The following ROR1 variants were observed in gnomAD, a reference collection of about 807,000 sequenced individuals.
The protein encoded by ROR1 is ROR family WNT receptor 1.
Under a neutral mutation model 78.8 loss-of-function variants are expected in ROR1, and 19 were observed. The observed-to-expected ratio is 0.24, with a 90% confidence interval of 0.17 to 0.35. The LOEUF is 0.35. Ranked by LOEUF, ROR1 falls within the 10% of genes least tolerant of loss-of-function variation. The pLI is 1.00. For synonymous variants in ROR1, 386 were observed against 433.6 expected, an observed-to-expected ratio of 0.89 and a Z score of 1.36; for missense variants, 917 against 1,177.8, an observed-to-expected ratio of 0.78 and a Z score of 3.24.
At chr1:64,032,924 A>G (rs923454870) in intron 2 of ROR1, among the ~76,000 whole-genome samples, 9 of 152,188 alleles carry the variant, frequency 5.9e-5, no homozygotes, top group African/African-American at 2.2e-4. Flanking sequence ...AGTGAAATTG[A>G]TAGACAGAAA....
At chr1:63,853,288 A>G (rs1645125750) in intron 1 of ROR1, among the ~76,000 whole-genome samples, 1 of 152,130 alleles carries the variant, frequency 6.6e-6, no homozygotes, top group South Asian at 2.1e-4. Context: ...CACACTACAT[A>G]TACCCTAGTA....
At chr1:64,031,277 G>A (rs1569581252) in intron 2 of ROR1, among the ~76,000 whole-genome samples, 2 of 152,166 alleles carry the variant, frequency 1.3e-5, no homozygotes, top group Non-Finnish European at 2.9e-5. Context: ...TCAACCAAAG[G>A]CTACACTGTC....
chr1:64,014,773 T>TATATATATATATAC (rs71056017), intron 2 of ROR1, among the ~76,000 whole-genome samples: 1 of 47,010 alleles, frequency 2.1e-5, no homozygotes, highest in Non-Finnish European at 4.6e-5. Context: ...TATATATATA[T>TATATATATATATAC]ACACATTTTG....
At chr1:64,087,717 C>T (rs1310098566) in intron 4 of ROR1, among the ~76,000 whole-genome samples, 1 of 152,060 alleles carries the variant, frequency 6.6e-6, no homozygotes, top group Admixed American at 6.6e-5. Flanking sequence ...GGAGGGGAGC[C>T]CTGCAGCATG....
chr1:63,919,255 G>T (rs1645634369), intron 1 of ROR1, among the ~76,000 whole-genome samples: 1 of 152,078 alleles, frequency 6.6e-6, no homozygotes, highest in African/African-American at 2.4e-5. Context: ...AAAACTAATA[G>T]GAGCTTAGGC....
chr1:63,812,005 G>A (rs1260153181), intron 1 of ROR1, among the ~76,000 whole-genome samples: 4 of 141,356 alleles, frequency 2.8e-5, no homozygotes, highest in African/African-American at 8.6e-5. Context: ...CTGTCTCCCA[G>A]GCTGCAGTGC....
chr1:63,883,891 C>T (rs766761527), intron 1 of ROR1, among the ~76,000 whole-genome samples: 24 of 152,120 alleles, frequency 1.6e-4, no homozygotes, highest in Non-Finnish European at 4.4e-5. Context: ...TGCTCAGAGG[C>T]GAGGAGGTGA....
chr1:63,842,914 C>T (rs140034485), intron 1 of ROR1, among the ~76,000 whole-genome samples: 1 of 152,116 alleles, frequency 6.6e-6, no homozygotes, highest in African/African-American at 2.4e-5. Context: ...ATAGGCCCCT[C>T]TCCACAACTG....
chr1:63,917,767 G>A (rs1645620327), intron 1 of ROR1, among the ~76,000 whole-genome samples: 1 of 152,182 alleles, frequency 6.6e-6, no homozygotes, highest in Admixed American at 6.5e-5. Context: ...TGGTAGAGGG[G>A]AAAGTATTGG....
At chr1:63,826,682 A>G (rs958701165) in intron 1 of ROR1, among the ~76,000 whole-genome samples, 2 of 151,668 alleles carry the variant, frequency 1.3e-5, no homozygotes, top group Admixed American at 6.6e-5. Flanking sequence ...GTGATTCACA[A>G]TGGTTGAACT....
chr1:64,013,832 G>T (rs1266866435), intron 2 of ROR1, among the ~76,000 whole-genome samples: 5 of 152,246 alleles, frequency 3.3e-5, no homozygotes, highest in African/African-American at 2.4e-5. Context: ...GTCAGGGTTT[G>T]CCTTATCTAT....
chr1:63,958,395 G>A (rs1001264915), intron 1 of ROR1, among the ~76,000 whole-genome samples: 2 of 152,198 alleles, frequency 1.3e-5, no homozygotes, highest in African/African-American at 2.4e-5. Flanking sequence ...TTATGGTTTC[G>A]GGGGAAGAAG....
intron 8 of ROR1, among the ~76,000 whole-genome samples, chr1:64,165,180 T>C (rs1231504003): frequency 2.0e-5 from 3 of 152,228 alleles, no homozygotes; most frequent in African/African-American, 7.2e-5. Flanking sequence ...GTTTCCACAA[T>C]GGCTGAACTA....
At chr1:63,843,531 T>C (rs1645062447) in intron 1 of ROR1, 2 of 755,582 alleles carry the variant, frequency 2.6e-6, no homozygotes, top group Non-Finnish European at 4.7e-6. Flanking sequence ...CAGGATCTTC[T>C]TGGTCTCCTC....
At chr1:64,033,857 G>T (rs1402731890) in intron 2 of ROR1, among the ~76,000 whole-genome samples, 1 of 152,196 alleles carries the variant, frequency 6.6e-6, no homozygotes, top group African/African-American at 2.4e-5. Flanking sequence ...TGAAGCAACA[G>T]GTAATACTAG....
At chr1:63,848,025 C>T (rs649608) in intron 1 of ROR1, among the ~76,000 whole-genome samples, 31,921 of 152,096 alleles carry the variant, frequency 0.21, 7,071 homozygotes, top group African/African-American at 0.56. Flanking sequence ...TGATTTAAAA[C>T]AATAAAGGCC....
At chr1:64,042,694 C>A (rs979758689) in intron 2 of ROR1, among the ~76,000 whole-genome samples, 2 of 152,154 alleles carry the variant, frequency 1.3e-5, no homozygotes, top group African/African-American at 2.4e-5. Flanking sequence ...CCGCTATTTT[C>A]GGCTGATTTT....
intron 1 of ROR1, among the ~76,000 whole-genome samples, chr1:63,927,288 C>T (rs373104464): frequency 0.012 from 1,320 of 108,112 alleles, 18 homozygotes; most frequent in African/African-American, 0.044. Flanking sequence ...TTGTCTTTGG[C>T]TCTGTTTATA....
intron 1 of ROR1, among the ~76,000 whole-genome samples, chr1:63,808,477 G>A (rs1025202986): frequency 3.3e-5 from 5 of 152,146 alleles, no homozygotes; most frequent in Non-Finnish European, 7.4e-5. Context: ...CTACCTTTGG[G>A]TACAAAAGGC....
Sources: gnomAD v4.1 joint callset for allele counts (sites outside exome capture counted in the v4.1 genomes callset) on GRCh38, gnomAD v4.1.1 for gene constraint, MANE v1.5 for transcripts, NCBI Gene and HGNC (gene_info 2026-07-23, HGNC 2026-07-21) for gene names.